The following DCDC2 variants were observed in gnomAD, a reference collection of about 807,000 sequenced individuals.
DCDC2 encodes doublecortin domain containing 2.
Under a neutral mutation model 50.2 loss-of-function variants are expected in DCDC2, and 40 were observed. That is an observed-to-expected ratio of 0.80 (90% confidence interval 0.62 to 1.04). The LOEUF is 1.04. Among genes scored for constraint, DCDC2 ranks in the 50% least tolerant of loss-of-function variants. The pLI is 0.00. For synonymous variants in DCDC2, 234 were observed against 210.6 expected, an observed-to-expected ratio of 1.11 and a Z score of -0.96; for missense variants, 570 against 581.9, an observed-to-expected ratio of 0.98 and a Z score of 0.21.
At chr6:24,371,369 C>T in the DCDC2 span, among the ~76,000 whole-genome samples, 1 of 151,880 alleles carries the variant, frequency 6.6e-6, no homozygotes, top group East Asian at 1.9e-4. Context: ...TTTGGGAAGC[C>T]AAGGCAGGTG....
chr6:24,245,861 A>G (rs1263460715), intron 7 of DCDC2, among the ~76,000 whole-genome samples: 4 of 152,246 alleles, frequency 2.6e-5, no homozygotes, highest in African/African-American at 9.6e-5. Context: ...AACTAGAACT[A>G]CTAGAAATGA....
chr6:24,382,009 A>AAGGCAGGCAGGCAGGCAGGCAGGC, the DCDC2 span, among the ~76,000 whole-genome samples: 1 of 116,436 alleles, frequency 8.6e-6, no homozygotes, highest in South Asian at 3.4e-4. Context: ...GGAAGGAAGG[A>AAGGCAGGCAGGCAGGCAGGCAGGC]AGGCAGGCAA....
At chr6:24,374,026 G>C in the DCDC2 span, among the ~76,000 whole-genome samples, 1 of 152,038 alleles carries the variant, frequency 6.6e-6, no homozygotes, top group East Asian at 1.9e-4. Flanking sequence ...GCCGGGCGTG[G>C]TGGCGGGCGC....
intron 7 of DCDC2, among the ~76,000 whole-genome samples, chr6:24,265,303 C>T (rs1005553046): frequency 2.0e-5 from 3 of 151,966 alleles, no homozygotes; most frequent in African/African-American, 7.3e-5. Context: ...AGCAATAGAC[C>T]CCAATACAGT....
intron 7 of DCDC2, among the ~76,000 whole-genome samples, chr6:24,232,642 T>G (rs1208056604): frequency 6.6e-6 from 1 of 152,218 alleles, no homozygotes; most frequent in Non-Finnish European, 1.5e-5. Flanking sequence ...CTCTTTAATT[T>G]ACAATAGGCT....
At chr6:24,327,777 A>G (rs550358473) in intron 2 of DCDC2, among the ~76,000 whole-genome samples, 28 of 152,288 alleles carry the variant, frequency 1.8e-4, no homozygotes, top group African/African-American at 1.7e-4. Flanking sequence ...GCCTGGCAAC[A>G]TTATAAACTT....
At chr6:24,233,458 T>A (rs192131768) in intron 7 of DCDC2, among the ~76,000 whole-genome samples, 1 of 152,344 alleles carries the variant, frequency 6.6e-6, no homozygotes, top group East Asian at 1.9e-4. Flanking sequence ...GTATACATTA[T>A]CGTCATCCCC....
At chr6:24,302,964 C>A (rs911685245) in intron 2 of DCDC2, among the ~76,000 whole-genome samples, 1 of 151,930 alleles carries the variant, frequency 6.6e-6, no homozygotes, top group Non-Finnish European at 1.5e-5. Flanking sequence ...CTCAACTTTC[C>A]TTCCCTCCAC....
intron 2 of DCDC2, chr6:24,353,315 T>C (rs1338291791): frequency 3.7e-6 from 2 of 536,778 alleles, no homozygotes; most frequent in Non-Finnish European, 7.4e-6. Context: ...TCAGAGAACA[T>C]GTAGCTAGAA....
chr6:24,260,266 T>C (rs973960265), intron 7 of DCDC2, among the ~76,000 whole-genome samples: 1 of 152,148 alleles, frequency 6.6e-6, no homozygotes, highest in African/African-American at 2.4e-5. Flanking sequence ...TATTAATGGG[T>C]TGCCGGTTCC....
chr6:24,237,659 G>A (rs964802548), intron 7 of DCDC2, among the ~76,000 whole-genome samples: 4 of 152,250 alleles, frequency 2.6e-5, no homozygotes, highest in South Asian at 4.1e-4. Context: ...GCAAAGACAT[G>A]GAATCAACCT....
intron 2 of DCDC2, among the ~76,000 whole-genome samples, chr6:24,326,932 G>A (rs1387186176): frequency 6.7e-6 from 1 of 148,262 alleles, no homozygotes; most frequent in Admixed American, 6.7e-5. Flanking sequence ...TATTCTACTT[G>A]CAGTATTTGC....
At chr6:24,332,673 GT>G (rs1461009700) in intron 2 of DCDC2, among the ~76,000 whole-genome samples, 2 of 152,106 alleles carry the variant, frequency 1.3e-5, no homozygotes, top group Non-Finnish European at 2.9e-5. Context: ...AATTGGAACA[GT>G]TTGTTTGTTT....
intron 7 of DCDC2, among the ~76,000 whole-genome samples, chr6:24,237,930 G>C (rs966517648): frequency 1.6e-4 from 24 of 151,520 alleles, no homozygotes; most frequent in African/African-American, 4.6e-4. Context: ...AGAAGAGAAG[G>C]AGGGAGGAGA....
In DCDC2 at chr6:24,333,908, T is replaced by C. The variant is rs572482133; in HGVS notation, c.348+19661A>G. 3.3e-5 allele frequency among the ~76,000 whole-genome samples: 5 copies of C among 152,236 alleles called. No individual in the cohort carries two copies. The East Asian group carries it at 9.6e-4, about 29-fold the overall frequency. On this transcript the variant is annotated intron_variant, in intron 2 of 9. Coordinates refer to ENST00000378454, the MANE Select transcript of DCDC2 (RefSeq NM_016356.5). ...TTTCAGAAACAGGAGTTATAACTGA[T>C]GGGCATGATTAAGCAGTGAGAATAA...
In DCDC2 at chr6:24,239,127, T is replaced by A. The variant is rs569264711; in HGVS notation, c.923-34025A>T. 2.2e-3 allele frequency among the ~76,000 whole-genome samples: 332 copies of A among 152,276 alleles called. 1 individual carries two copies. The highest frequency in any genetic ancestry group is 3.4e-3 in the Non-Finnish European group (232 of 68,010). Reference sequence around the variant, plus strand: ...ATTTTCAAACATGAATAAGGCATAGTCCTAGCCCTCAAGCACCTCACAGTC... The same window carrying A: ...ATTTTCAAACATGAATAAGGCATAGACCTAGCCCTCAAGCACCTCACAGTC... On this transcript the variant is annotated intron_variant, in intron 7 of 9. Coordinates refer to ENST00000378454, the MANE Select transcript of DCDC2 (RefSeq NM_016356.5).
At chr6:24,323,476 T>C (rs1011619308) in intron 2 of DCDC2, among the ~76,000 whole-genome samples, 7 of 152,090 alleles carry the variant, frequency 4.6e-5, no homozygotes, top group African/African-American at 1.7e-4. Context: ...TTGATAACTA[T>C]GCTATGGCTA....
rs141245028 is a variant in DCDC2, at chr6:24,205,339, G to C, written c.923-237C>G. ...TGACCCAGCAGGGTAAAGTTCTGTC[G>C]AAGCTCCTGTTCACCCTTTGGCTAC... On this transcript the variant is annotated intron_variant, in intron 7 of 9. Coordinates refer to ENST00000378454, the MANE Select transcript of DCDC2 (RefSeq NM_016356.5). 4.0e-6 allele frequency: 6 copies of C among 1,507,412 alleles called. No homozygotes were observed. The South Asian group carries it at 7.9e-5, about 20-fold the overall frequency. 93.4% of individuals were successfully genotyped at this position (1,507,412 alleles called of 1,614,324 possible).
intron 2 of DCDC2, among the ~76,000 whole-genome samples, chr6:24,339,726 A>G (rs532106943): frequency 6.6e-6 from 1 of 152,320 alleles, no homozygotes; most frequent in Non-Finnish European, 1.5e-5. Flanking sequence ...TACTCAGAGT[A>G]ATTACATGGT....
Sources: gnomAD v4.1 joint callset for allele counts (sites outside exome capture counted in the v4.1 genomes callset) on GRCh38, gnomAD v4.1.1 for gene constraint, MANE v1.5 for transcripts, NCBI Gene and HGNC (gene_info 2026-07-23, HGNC 2026-07-21) for gene names.